Variants in ZFHX3 observed in about 807,000 individuals in gnomAD.
ZFHX3 encodes zinc finger homeobox 3.
ZFHX3 carries 42 observed loss-of-function variants against 279.1 expected under a neutral mutation model. The observed-to-expected ratio is 0.15, with a 90% confidence interval of 0.12 to 0.19. ZFHX3 has a LOEUF of 0.19. Ranked by LOEUF, ZFHX3 falls within the 10% of genes least tolerant of loss-of-function variation. The probability of loss-of-function intolerance (pLI) is 1.00; values close to 1 mark genes in which losing one functional copy is unlikely to be tolerated. For synonymous variants in ZFHX3, 2,293 were observed against 1,957.8 expected (o/e 1.17, Z -4.52); for missense variants, 4,981 against 4,754.0 (o/e 1.05, Z -1.40).
chr16:73,883,397 ATATGTG>A (rs1029037817), intron 1 of ZFHX3, among the ~76,000 whole-genome samples: 10 of 107,444 alleles, frequency 9.3e-5, no homozygotes, highest in African/African-American at 2.5e-4. Context: ...TAAGCCATAT[ATATGTG>A]TGTGTGTGTG....
chr16:73,090,084 A>T (rs1966054481), intron 8 of ZFHX3, among the ~76,000 whole-genome samples: 1 of 152,194 alleles, frequency 6.6e-6, no homozygotes, highest in Non-Finnish European at 1.5e-5. Flanking sequence ...AGTTCACTGT[A>T]ATAACTGTAT....
Position 72,784,159 on chromosome 16 carries a change from A to T in ZFHX3, c.*3005T>A, listed in dbSNP as rs2035245804. On this transcript the variant is annotated 3_prime_UTR_variant, in exon 10 of 10. Transcript: ENST00000268489. ...CTCAGCCAATCTATTCAACCACCTT[A>T]TTGTCGCCAAACACCCACAGCTCAA... 1 of 152,544 alleles carries T rather than the reference A, an allele frequency of 6.6e-6. No individual in the cohort carries two copies. Among genetic ancestry groups the T allele is most frequent in the South Asian group, 2.1e-4 (1 of 4,816 alleles). The allele number at this position is 152,544 out of a possible 1,614,324, so 9.4% of individuals were successfully genotyped here.
chr16:73,739,073 G>A (rs1346879473), intron 1 of ZFHX3, among the ~76,000 whole-genome samples: 3 of 152,160 alleles, frequency 2.0e-5, no homozygotes, highest in Non-Finnish European at 4.4e-5. Context: ...GAGGCTTCCT[G>A]CTGTTGCAAA....
intron 5 of ZFHX3, among the ~76,000 whole-genome samples, chr16:73,243,507 A>G (rs1185909041): frequency 6.6e-6 from 1 of 152,208 alleles, no homozygotes; most frequent in African/African-American, 2.4e-5. Flanking sequence ...TTAATCTGCC[A>G]AGGTAATAGG....
intron 5 of ZFHX3, among the ~76,000 whole-genome samples, chr16:73,212,633 GC>G (rs2012059604): frequency 2.6e-5 from 4 of 152,174 alleles, no homozygotes; most frequent in Non-Finnish European, 5.9e-5. Context: ...TTGCTGATCT[GC>G]CCCCAGCTCA....
rs776982834 is a variant in ZFHX3 at position 72,950,478 on chromosome 16, C to G, written c.3207G>C (p.Lys1069Asn). 1.9e-6 allele frequency: 3 copies of G among 1,613,562 alleles called. No homozygotes were observed. In the African/African-American group the frequency reaches 4.0e-5, roughly 22 times the overall value. The change falls in exon 3 of 10, where the codon AAG (lysine) becomes AAC (asparagine). Residue 1069 changes from lysine to asparagine, a missense_variant. Lys to Asn is a moderately conservative substitution (Grantham distance 94, BLOSUM62 0). Around this residue, in one of 7 missense-constraint regions of ZFHX3, gnomAD observed 1,751 missense variants for 1,770.0 expected, o/e 0.99. Coordinates refer to ENST00000268489, the MANE Select transcript of ZFHX3 (RefSeq NM_006885.4). ...AGGAGCTGGGCCTTACCTTGTACAA[C>G]TTCAGGCTGGCCTCGTGCCTGGAGT... ...TVNSRHEASL[K>N]LYKHLQQHES...
chr16:73,109,581 G>A (rs1314990254), intron 7 of ZFHX3, among the ~76,000 whole-genome samples: 4 of 151,800 alleles, frequency 2.6e-5, no homozygotes, highest in South Asian at 2.1e-4. Flanking sequence ...AAAATTTTCC[G>A]GTGCAGTGCC....
chr16:73,092,707 C>G (rs906607278), intron 8 of ZFHX3: 7 of 326,324 alleles, frequency 2.1e-5, no homozygotes, highest in African/African-American at 1.5e-4. Flanking sequence ...CTCTTGCTCT[C>G]TCGCGCTCTG....
intron 6 of ZFHX3, among the ~76,000 whole-genome samples, chr16:73,139,477 C>T (rs1966840709): frequency 1.3e-5 from 2 of 152,130 alleles, no homozygotes; most frequent in African/African-American, 2.4e-5. Flanking sequence ...AGATATTGTA[C>T]ATTATCTTTT....
Position 73,280,784 on chromosome 16 carries a change from C to A in ZFHX3, c.-1193-23648G>T, listed in dbSNP as rs547721305. 2.0e-4 allele frequency among the ~76,000 whole-genome samples: 30 copies of A among 151,894 alleles called. No individual in the cohort carries two copies. The South Asian group carries it at 6.0e-3, about 31-fold the overall frequency. The stretch of plus-strand genomic sequence containing the variant: ...ATTACCTGAGGTTGGGAGTTCAAGA[C>A]CAACTTGACCAACATGGAGAAACCC... On this transcript the variant is annotated intron_variant, in intron 4 of 17. Transcript: ENST00000641206.
chr16:72,812,900 T>C (rs2036500737), intron 5 of ZFHX3, among the ~76,000 whole-genome samples: 1 of 152,212 alleles, frequency 6.6e-6, no homozygotes, highest in South Asian at 2.1e-4. Context: ...CATTTCTTTA[T>C]CTTCTCTATT....
At chr16:73,190,430 C>G (rs1968005126) in intron 5 of ZFHX3, among the ~76,000 whole-genome samples, 1 of 152,178 alleles carries the variant, frequency 6.6e-6, no homozygotes. Flanking sequence ...CATAGATTGC[C>G]TTTTTCTGGA....
chr16:73,728,615 A>G (rs1567563530), intron 1 of ZFHX3, among the ~76,000 whole-genome samples: 1 of 152,060 alleles, frequency 6.6e-6, no homozygotes. Context: ...CAATTCTTCA[A>G]CATCTTGGCT....
chr16:73,814,242 C>T (rs1490753503), intron 1 of ZFHX3, among the ~76,000 whole-genome samples: 3 of 152,088 alleles, frequency 2.0e-5, no homozygotes, highest in African/African-American at 7.2e-5. Flanking sequence ...TGTCAACTGC[C>T]AAATGGAGAG....
intron 3 of ZFHX3, among the ~76,000 whole-genome samples, chr16:72,932,192 G>A (rs1959851085): frequency 6.6e-6 from 1 of 152,146 alleles, no homozygotes; most frequent in Non-Finnish European, 1.5e-5. Context: ...AAATACATGT[G>A]TGTTGATGCT....
chr16:73,303,173 C>A (rs751405361), intron 4 of ZFHX3, among the ~76,000 whole-genome samples: 2 of 152,070 alleles, frequency 1.3e-5, no homozygotes, highest in Non-Finnish European at 2.9e-5. Context: ...GGACTACAGG[C>A]ACACACCACC....
chr16:73,873,735 A>G (rs917920351), intron 1 of ZFHX3, among the ~76,000 whole-genome samples: 1 of 152,210 alleles, frequency 6.6e-6, no homozygotes, highest in African/African-American at 2.4e-5. Flanking sequence ...TATGAATCAA[A>G]TAATGTTGAT....
chr16:73,484,812 C>A (rs1435364262), intron 2 of ZFHX3, among the ~76,000 whole-genome samples: 1 of 152,162 alleles, frequency 6.6e-6, no homozygotes, highest in Non-Finnish European at 1.5e-5. Flanking sequence ...CCTCCAGTTA[C>A]ATAGGAACAT....
chr16:72,879,093 C>T (rs927945106), intron 4 of ZFHX3, among the ~76,000 whole-genome samples: 4 of 152,224 alleles, frequency 2.6e-5, no homozygotes, highest in South Asian at 2.1e-4. Flanking sequence ...GCCCTGGAAG[C>T]GCAAGTGAAG....
Sources: allele counts gnomAD v4.1 joint callset (sites outside exome capture counted in the v4.1 genomes callset), GRCh38; gene constraint gnomAD v4.1.1; regional missense constraint gnomAD v4.1.1; transcripts MANE v1.5; gene names NCBI Gene and HGNC (gene_info 2026-07-23, HGNC 2026-07-21).